Variants in ACOX3 observed in about 807,000 individuals in gnomAD.
ACOX3 encodes the protein acyl-CoA oxidase 3, pristanoyl.
ACOX3 carries 73 observed loss-of-function variants against 81.5 expected under a neutral mutation model. That is an observed-to-expected ratio of 0.90 (90% confidence interval 0.74 to 1.09). The LOEUF (loss-of-function observed/expected upper bound fraction) is 1.09. ACOX3 is among the 50% of genes least tolerant of loss of function. The pLI is 0.00. For synonymous variants in ACOX3, 387 were observed against 375.1 expected (o/e 1.03, Z -0.37); for missense variants, 947 against 928.0 (o/e 1.02, Z -0.27).
Position 8,415,747 on chromosome 4 carries a change from C to T in ACOX3, c.378+19G>A, listed in dbSNP as rs1419863580. The T allele has an allele frequency of 3.7e-6, 6 of 1,610,014 alleles. No homozygotes were observed. Among genetic ancestry groups the T allele is most frequent in the African/African-American group, 1.3e-5 (1 of 74,828 alleles). ...GCAGCATGAAAGCCGTTTCCCTCTC[C>T]CCTAGGCCGCATGCTCACCAAGCTA... On this transcript the variant is annotated intron_variant, in intron 3 of 17. Transcript: ENST00000356406.
At chr4:8,364,162 T>A, downstream of ACOX3, among the ~76,000 whole-genome samples, 1 of 152,192 alleles carries the variant, frequency 6.6e-6, no homozygotes, top group Non-Finnish European at 1.5e-5. This position sits in a 1 kb window ranked among gnomAD's most constrained non-coding sequence, Gnocchi z 5.0. Context: ...CTTTCTGGGC[T>A]GAACCAATGT....
At chr4:8,438,499 T>G (rs1724382401) in intron 1 of ACOX3, among the ~76,000 whole-genome samples, 1 of 152,194 alleles carries the variant, frequency 6.6e-6, no homozygotes. Flanking sequence ...ATTTACCCTA[T>G]AAGATTTTGT....
At chr4:8,377,884 C>T (rs1717167954) in intron 14 of ACOX3, among the ~76,000 whole-genome samples, 1 of 152,194 alleles carries the variant, frequency 6.6e-6, no homozygotes, top group South Asian at 2.1e-4. Flanking sequence ...AGGGCTGGCG[C>T]ACTCCAGCCG....
Position 8,433,220 on chromosome 4 carries a change from C to A in ACOX3, c.-15+7428G>T, listed in dbSNP as rs372604237. On this transcript the variant is annotated intron_variant, in intron 1 of 17. Transcript: ENST00000356406. ...CCATCTGCACCATTCTCCTGACACG[C>A]TCCCTAATCTCAGTGACTGTTTCAT... Among the ~76,000 whole-genome samples the A allele has an allele frequency of 2.6e-5, 4 of 152,230 alleles. No homozygotes were observed. The East Asian group carries it at 7.7e-4, about 29-fold the overall frequency.
chr4:8,405,116 CG>C lies in ACOX3; in HGVS notation c.776+838del. Among the ~76,000 whole-genome samples the C allele has an allele frequency of 6.6e-6, 1 of 152,262 alleles. No individual in the cohort carries two copies. Reference sequence around the variant, plus strand: ...AGCTGGTCAAGGTGACACAAAGGGCCGGCTGCACATCTGTCTCATTCCAAAA... The same window carrying C: ...AGCTGGTCAAGGTGACACAAAGGGCCGCTGCACATCTGTCTCATTCCAAAA... On this transcript the variant is annotated intron_variant, in intron 7 of 17. Coordinates refer to ENST00000356406, the MANE Select transcript of ACOX3 (RefSeq NM_003501.3). The surrounding 1 kb of genome is among the most constrained non-coding windows in gnomAD (Gnocchi z 7.1).
intron 1 of ACOX3, among the ~76,000 whole-genome samples, chr4:8,418,730 CATG>C (rs1722608354): frequency 6.6e-6 from 1 of 151,922 alleles, no homozygotes; most frequent in Non-Finnish European, 1.5e-5. Flanking sequence ...CATGGTGGCG[CATG>C]CTTGTAATCC....
chr4:8,397,117 G>A lies in ACOX3; in HGVS notation c.876C>T (p.Asp292=), dbSNP rs751029086. The change falls in exon 9 of 18, where the codon GAC becomes GAT. Residue 292 remains aspartate, a splice_region_variant and synonymous_variant. Transcript: ENST00000356406. ...PEGTYVSPFK[D]VRQRFGASLG... is the part of the protein sequence containing the mutation. ...GGGACGCTCCAAAGCGCTGCCTGACGTCCTACGGGAGGGACACAGATGATA... is the reference window on the plus strand; with the variant it reads ...GGGACGCTCCAAAGCGCTGCCTGACATCCTACGGGAGGGACACAGATGATA... 30 of 1,550,802 alleles carry A rather than the reference G, an allele frequency of 1.9e-5. No homozygotes were observed. The highest frequency in any genetic ancestry group is 1.9e-4 in the East Asian group (8 of 42,260).
At chr4:8,409,544 T>C (rs925385014) in intron 6 of ACOX3, among the ~76,000 whole-genome samples, 3 of 130,948 alleles carry the variant, frequency 2.3e-5, no homozygotes, top group South Asian at 2.5e-4. Context: ...GGATACACTG[T>C]GGGGAGGGCT....
In ACOX3 at chr4:8,406,802, G is replaced by C. The variant is rs556864125; in HGVS notation, c.688-759C>G. 6.6e-6 allele frequency among the ~76,000 whole-genome samples: 1 copy of C among 152,344 alleles called. No homozygotes were observed. The highest frequency in any genetic ancestry group is 2.4e-5 in the African/African-American group (1 of 41,586). On this transcript the variant is annotated intron_variant, in intron 6 of 17. Transcript: ENST00000356406. The surrounding 1 kb of genome is among the most constrained non-coding windows in gnomAD (Gnocchi z 5.6). ...TTGCTACTGCTATCTAGAAGGCAGA[G>C]CCAGGTGTACAGGATGGAACATGAA... is the stretch of plus-strand genomic sequence containing the variant.
In ACOX3 at chr4:8,405,117, G is replaced by A. The variant is rs1187345799; in HGVS notation, c.776+838C>T. ...GCTGGTCAAGGTGACACAAAGGGCC[G>A]GCTGCACATCTGTCTCATTCCAAAA... On this transcript the variant is annotated intron_variant, in intron 7 of 17. Transcript: ENST00000356406. The surrounding 1 kb of genome is among the most constrained non-coding windows in gnomAD (Gnocchi z 7.1). Among the ~76,000 whole-genome samples, 3 of 152,264 alleles carry A rather than the reference G, an allele frequency of 2.0e-5. No homozygotes were observed. The highest frequency in any genetic ancestry group is 3.4e-3 in the Middle Eastern group (1 of 294).
rs750416659 is a variant in ACOX3, at chr4:8,399,684, A to T, written c.777-32T>A. On this transcript the variant is annotated intron_variant, in intron 7 of 17. Transcript: ENST00000356406. The surrounding 1 kb of genome is among the most constrained non-coding windows in gnomAD (Gnocchi z 4.9). ...GGAAGCAGCAGGGCTTCTGTTAAAC[A>T]GGGGTCCTGCCCTGAGGCTCTTCTC... 6.3e-7 allele frequency: 1 copy of T among 1,589,082 alleles called. No individual in the cohort carries two copies. The highest frequency in any genetic ancestry group is 1.1e-5 in the South Asian group (1 of 90,554).
rs964752036 is a variant in ACOX3, at chr4:8,368,926, C to T, written c.1984-1846G>A. The stretch of plus-strand genomic sequence containing the variant: ...AACTCCTGGGCTAAAGGGATCCGCC[C>T]GCCTCAGCCTTCCAAAGTGCTAGGA... On this transcript the variant is annotated intron_variant, in intron 17 of 17. Transcript: ENST00000356406. The surrounding 1 kb of genome is among the most constrained non-coding windows in gnomAD (Gnocchi z 5.9). Among the ~76,000 whole-genome samples the T allele has an allele frequency of 1.3e-5, 2 of 152,102 alleles. No individual in the cohort carries two copies. Among genetic ancestry groups the T allele is most frequent in the African/African-American group, 4.8e-5 (2 of 41,398 alleles).
chr4:8,355,655 G>A, the ACOX3 span: 4 of 152,220 alleles, frequency 2.6e-5, no homozygotes, highest in African/African-American at 9.6e-5. Flanking sequence ...TAGAGCATAA[G>A]AGTCTTCGTT....
chr4:8,410,496 T>C, intron 5 of ACOX3, 141 bp from the exon 6 acceptor site: 1 of 1,150,564 alleles, frequency 8.7e-7, no homozygotes. Flanking sequence ...ATTTTAGTTC[T>C]TGTATGGCAC....
chr4:8,433,038 C>T (rs1031049368), intron 1 of ACOX3, among the ~76,000 whole-genome samples: 6 of 152,234 alleles, frequency 3.9e-5, no homozygotes, highest in African/African-American at 1.4e-4. Context: ...GAAAGTCCTA[C>T]AGGACAGTGC....
At chr4:8,367,621 A>G (rs541752140) in intron 17 of ACOX3, among the ~76,000 whole-genome samples, 8 of 151,968 alleles carry the variant, frequency 5.3e-5, no homozygotes, top group South Asian at 2.1e-4. Flanking sequence ...GGACAATTCA[A>G]TTATAAAGTA....
chr4:8,394,492 C>G lies in ACOX3; in HGVS notation c.1179+128G>C, dbSNP rs1273236761. 7.8e-6 allele frequency: 11 copies of G among 1,407,852 alleles called. No homozygotes were observed. The highest frequency in any genetic ancestry group is 1.4e-5 in the South Asian group (1 of 71,774). 87.2% of individuals were successfully genotyped at this position (1,407,852 alleles called of 1,614,324 possible). A position where few individuals can be genotyped will look rare whatever the true frequency, so the allele number is the denominator to read the frequency against. On this transcript the variant is annotated intron_variant, in intron 10 of 17. Coordinates refer to ENST00000356406, the MANE Select transcript of ACOX3 (RefSeq NM_003501.3). This position sits in a 1 kb window ranked among gnomAD's most constrained non-coding sequence, Gnocchi z 5.9. ...GCCAAGAGCTCCGAGTGGGTGGGAA[C>G]AACTGGAGGAATGCTCTGTCCTCGC... is the stretch of plus-strand genomic sequence containing the variant.
chr4:8,399,603 G>T lies in ACOX3; in HGVS notation c.826C>A (p.Arg276=). ...CCCTCGGGGGTGACGTCTCCCATCC[G>T]GTTCAGAAGGCTCTGGCGAGGAACT... ...VRVPRQSLLN[R]MGDVTPEGTY... is the part of the protein sequence containing the mutation. The change falls in exon 8 of 18, where the codon CGG becomes AGG. Residue 276 remains arginine (R), a synonymous_variant. Coordinates refer to ENST00000356406, the MANE Select transcript of ACOX3 (RefSeq NM_003501.3). This position sits in a 1 kb window ranked among gnomAD's most constrained non-coding sequence, Gnocchi z 4.9. The T allele has an allele frequency of 8.1e-6, 13 of 1,614,154 alleles. No individual in the cohort carries two copies. Among genetic ancestry groups the T allele is most frequent in the Non-Finnish European group, 1.1e-5 (13 of 1,180,032 alleles).
chr4:8,415,907 G>C lies in ACOX3; in HGVS notation c.237C>G (p.Phe79Leu). The change falls in exon 3 of 18, where the codon TTC becomes TTG. Residue 79 changes from phenylalanine (F) to leucine (L), a missense_variant. By Grantham distance (22) the Phe-to-Leu change is conservative. Transcript: ENST00000356406. The stretch of plus-strand genomic sequence containing the variant: ...ACTCGAAGATCCGCTTGCATCGAAG[G>C]AAGTTCAGCTCGCGATACTTCTCCA... ...LSLEKYRELNFLRCKRIFEYD... is the reference protein window; with the variant it reads ...LSLEKYRELNLLRCKRIFEYD... 6.2e-7 allele frequency: 1 copy of C among 1,614,226 alleles called. No homozygotes were observed.
Sources: allele counts gnomAD v4.1 joint callset (sites outside exome capture counted in the v4.1 genomes callset), GRCh38; gene constraint gnomAD v4.1.1; non-coding constraint Gnocchi (gnomAD v3.1); transcripts MANE v1.5; gene names NCBI Gene and HGNC (gene_info 2026-07-23, HGNC 2026-07-21).